The following PPP2R2B variants were observed in gnomAD, a reference collection of about 807,000 sequenced individuals.
PPP2R2B encodes serine/threonine-protein phosphatase 2A 55 kDa regulatory subunit B beta isoform.
Under a neutral mutation model 46.0 loss-of-function variants are expected in PPP2R2B, and 5 were observed. The ratio of observed to expected loss-of-function variants is 0.11; its 90% CI spans 0.06 to 0.23. The LOEUF is 0.23. PPP2R2B is among the 10% of genes least tolerant of loss of function. The pLI, the probability that PPP2R2B is intolerant of heterozygous loss-of-function variation, is 1.00. For synonymous variants in PPP2R2B, 215 were observed against 206.7 expected, an observed-to-expected ratio of 1.04 and a Z score of -0.34; for missense variants, 367 against 575.0, an observed-to-expected ratio of 0.64 and a Z score of 3.70.
At chr5:146,859,337 C>T (rs565992136) in intron 2 of PPP2R2B, among the ~76,000 whole-genome samples, 25 of 152,126 alleles carry the variant, frequency 1.6e-4, no homozygotes, top group African/African-American at 5.8e-4. Flanking sequence ...TCCTTCCTTG[C>T]CTAATATTTA....
intron 2 of PPP2R2B, among the ~76,000 whole-genome samples, chr5:146,723,668 C>CTGAT (rs781067862): frequency 3.3e-5 from 5 of 152,144 alleles, no homozygotes; most frequent in Non-Finnish European, 5.9e-5. Context: ...TTGTTCTTTA[C>CTGAT]TGATTGGCCC....
chr5:147,031,027 G>A (rs916459880), intron 1 of PPP2R2B, among the ~76,000 whole-genome samples: 2 of 152,202 alleles, frequency 1.3e-5, no homozygotes, highest in East Asian at 3.9e-4. Context: ...ACGAGGTCAG[G>A]AGATCGAGAC....
At chr5:146,881,956 C>T (rs780757066), upstream of PPP2R2B, among the ~76,000 whole-genome samples, 9 of 151,928 alleles carry the variant, frequency 5.9e-5, no homozygotes, top group South Asian at 2.1e-4. Flanking sequence ...TGCATATATA[C>T]GATCAAAATT....
rs1761034921 is a variant in PPP2R2B at position 146,861,987 on chromosome 5, T to C, written c.70+16015A>G. On this transcript the variant is annotated intron_variant, in intron 2 of 9. Transcript: ENST00000394411. ...TATGAATGAAGTTTCAGTTGCTCAG[T>C]AAATACCTGCTGAATGGTTAAAGAG... Among the ~76,000 whole-genome samples the C allele has an allele frequency of 2.0e-5, 3 of 152,136 alleles. No individual in the cohort carries two copies. In the South Asian group the frequency reaches 6.2e-4, roughly 31 times the overall value.
intron 1 of PPP2R2B, among the ~76,000 whole-genome samples, chr5:146,996,240 C>T (rs1333844707): frequency 6.6e-6 from 1 of 152,100 alleles, no homozygotes; most frequent in African/African-American, 2.4e-5. Context: ...GACGGGGAAG[C>T]CTTCACAGAA....
At chr5:146,698,505 C>A (rs886932268) in intron 3 of PPP2R2B, among the ~76,000 whole-genome samples, 4 of 151,450 alleles carry the variant, frequency 2.6e-5, no homozygotes, top group African/African-American at 7.3e-5. Flanking sequence ...GCTGCAGTCA[C>A]CCTTTGGAGT....
chr5:146,677,074 G>A (rs1248081571), intron 5 of PPP2R2B, among the ~76,000 whole-genome samples: 3 of 151,994 alleles, frequency 2.0e-5, no homozygotes, highest in East Asian at 1.9e-4. Flanking sequence ...CTGCTTTGAC[G>A]ATCTTATGTT....
At chr5:146,986,418 G>T (rs186763922) in intron 1 of PPP2R2B, among the ~76,000 whole-genome samples, 176 of 152,286 alleles carry the variant, frequency 1.2e-3, no homozygotes, top group Non-Finnish European at 1.8e-3. Context: ...TTCACCATTG[G>T]CTGACTCAAG....
chr5:146,975,598 G>T (rs1752863189), intron 1 of PPP2R2B, among the ~76,000 whole-genome samples: 1 of 152,136 alleles, frequency 6.6e-6, no homozygotes, highest in Non-Finnish European at 1.5e-5. Context: ...TTCCATAGTG[G>T]TTTCACCACT....
Position 147,062,920 on chromosome 5 carries a change from T to C in PPP2R2B, c.50+18139A>G, listed in dbSNP as rs549680128. On this transcript the variant is annotated intron_variant, in intron 2 of 10. Transcript: ENST00000394413. ...ATTCCTAGGACATGGTGCCAAGGACTGTGAGATTAGATGCATGTATGGGCA... is the reference window on the plus strand; with the variant it reads ...ATTCCTAGGACATGGTGCCAAGGACCGTGAGATTAGATGCATGTATGGGCA... Among the ~76,000 whole-genome samples, 8 of 134,884 alleles carry C rather than the reference T, an allele frequency of 5.9e-5. No individual in the cohort carries two copies. The East Asian group carries it at 1.8e-3, about 31-fold the overall frequency. 88.5% of individuals were successfully genotyped at this position (134,884 alleles called of 152,430 possible). A position where few individuals can be genotyped will look rare whatever the true frequency, so the allele number is the denominator to read the frequency against.
chr5:146,939,414 A>G (rs577098778), intron 1 of PPP2R2B, among the ~76,000 whole-genome samples: 1 of 152,324 alleles, frequency 6.6e-6, no homozygotes, highest in East Asian at 1.9e-4. Flanking sequence ...AAAGAGGGTG[A>G]TGAGCAGAAG....
Position 146,878,160 on chromosome 5 carries a change from G to A in PPP2R2B, c.-89C>T, listed in dbSNP as rs185435496. The stretch of plus-strand genomic sequence containing the variant: ...GCAGCCAGTCTCACAGGAGAGGGGG[G>A]CAGGGGAGCCAGTGGGACTGCACCA... On this transcript the variant is annotated 5_prime_UTR_variant, in exon 2 of 10. Transcript: ENST00000394411. The surrounding 1 kb of genome is among the most constrained non-coding windows in gnomAD (Gnocchi z 4.5). The A allele has an allele frequency of 5.0e-6, 8 of 1,605,856 alleles. No homozygotes were observed. Among genetic ancestry groups the A allele is most frequent in the African/African-American group, 2.7e-5 (2 of 74,884 alleles).
intron 1 of PPP2R2B, among the ~76,000 whole-genome samples, chr5:146,978,219 GT>G (rs574497436): frequency 4.6e-5 from 7 of 151,814 alleles, no homozygotes; most frequent in African/African-American, 1.2e-4. Context: ...TTTTTGATGG[GT>G]TTTTTTTAAT....
chr5:147,040,841 C>T, intron 1 of PPP2R2B: 1 of 434,378 alleles, frequency 2.3e-6, no homozygotes, highest in South Asian at 1.7e-5. Context: ...AATAATAGTG[C>T]CATTACACAT....
At chr5:146,999,520 A>G (rs1754069990) in intron 1 of PPP2R2B, among the ~76,000 whole-genome samples, 2 of 152,196 alleles carry the variant, frequency 1.3e-5, no homozygotes, top group Admixed American at 6.5e-5. Flanking sequence ...GTCTTTTCCC[A>G]GGCTCCTCAG....
At chr5:146,831,058 G>T (rs1227503255) in intron 2 of PPP2R2B, among the ~76,000 whole-genome samples, 18 of 151,998 alleles carry the variant, frequency 1.2e-4, no homozygotes, top group Non-Finnish European at 1.5e-5. Flanking sequence ...TTGTATAAAA[G>T]TAGAGCACAT....
At chr5:146,842,282 T>C (rs1351333582) in intron 2 of PPP2R2B, among the ~76,000 whole-genome samples, 1 of 152,040 alleles carries the variant, frequency 6.6e-6, no homozygotes, top group Non-Finnish European at 1.5e-5. Context: ...TTCTTCAAAT[T>C]CTCCCCGCTA....
At chr5:146,829,398 G>T (rs1758782456) in intron 2 of PPP2R2B, among the ~76,000 whole-genome samples, 1 of 152,170 alleles carries the variant, frequency 6.6e-6, no homozygotes, top group Non-Finnish European at 1.5e-5. Context: ...GGGCATGCTT[G>T]TGTGCAATGA....
At chr5:146,842,487 T>TA (rs60151742) in intron 2 of PPP2R2B, among the ~76,000 whole-genome samples, 15,976 of 150,998 alleles carry the variant, frequency 0.11, 1,217 homozygotes, top group East Asian at 0.22. Context: ...TGCCCTTTTT[T>TA]TTTTTTTTTT....
Sources: gnomAD v4.1 joint callset for allele counts (sites outside exome capture counted in the v4.1 genomes callset) on GRCh38, gnomAD v4.1.1 for gene constraint, Gnocchi (gnomAD v3.1) non-coding constraint, MANE v1.5 for transcripts, NCBI Gene and HGNC (gene_info 2026-07-23, HGNC 2026-07-21) for gene names.